JPH2: variants seen among roughly 807,000 people sequenced by gnomAD.
The protein encoded by JPH2 is junctophilin 2.
Under a neutral mutation model 55.9 loss-of-function variants are expected in JPH2, and 38 were observed. The ratio of observed to expected loss-of-function variants is 0.68; its 90% confidence interval spans 0.52 to 0.89. JPH2 has a LOEUF of 0.89. JPH2 is among the 40% of genes least tolerant of loss of function. JPH2 has a pLI of 0.00. For missense variants in JPH2, 964 were observed against 1,037.6 expected (o/e 0.93, Z 0.97); for synonymous variants, 480 against 472.4 (o/e 1.02, Z -0.21).
rs2072113286 is a variant in JPH2 at position 44,107,117 on chromosome 20, A to G, written c.*6401T>C. Among the ~76,000 whole-genome samples the G allele has an allele frequency of 6.6e-6, 1 of 152,196 alleles. No individual in the cohort carries two copies. Among genetic ancestry groups the G allele is most frequent in the Non-Finnish European group, 1.5e-5 (1 of 68,034 alleles). On this transcript the variant is annotated 3_prime_UTR_variant, in exon 6 of 6. Transcript: ENST00000372980. ...CTCAGTGTCTGCTCCTGCAGAATCC[A>G]ATCAGTGATGGCATCTTCCACATAC...
intron 2 of JPH2, among the ~76,000 whole-genome samples, chr20:44,134,857 T>C (rs2072393583): frequency 2.5e-5 from 1 of 40,404 alleles, no homozygotes; most frequent in South Asian, 7.5e-4. Flanking sequence ...ATTATAAATA[T>C]ATATATAAAT....
intron 1 of JPH2, among the ~76,000 whole-genome samples, chr20:44,183,671 A>G (rs986444101): frequency 6.6e-6 from 1 of 152,224 alleles, no homozygotes; most frequent in Non-Finnish European, 1.5e-5. Flanking sequence ...GACACTAGTG[A>G]CGAATATAAT....
In JPH2 at chr20:44,132,392, A is replaced by ACACACAC. The variant is rs1555855283; in HGVS notation, c.1170-13776_1170-13770dup. Among the ~76,000 whole-genome samples, 35 of 145,028 alleles carry ACACACAC rather than the reference A, an allele frequency of 2.4e-4. No individual in the cohort carries two copies. The East Asian group carries it at 6.1e-3, about 25-fold the overall frequency. ...CACACACACACACACACACACACACACACACACACATTTGGGCTGGTTATT... is the reference window on the plus strand; with the variant it reads ...CACACACACACACACACACACACACACACACACCACACACACATTTGGGCTGGTTATT... On this transcript the variant is annotated intron_variant, in intron 2 of 5. Coordinates refer to ENST00000372980, the MANE Select transcript of JPH2 (RefSeq NM_020433.5).
At chr20:44,163,700 AT>A (rs2072632387) in intron 1 of JPH2, among the ~76,000 whole-genome samples, 1 of 152,214 alleles carries the variant, frequency 6.6e-6, no homozygotes, top group African/African-American at 2.4e-5. Flanking sequence ...GCCAGAGTGT[AT>A]GCTGCGAGCC....
rs568246006 is a variant in JPH2 at position 44,110,984 on chromosome 20, C to T, written c.*2534G>A. 7.2e-5 allele frequency among the ~76,000 whole-genome samples: 11 copies of T among 152,164 alleles called. No individual in the cohort carries two copies. Among genetic ancestry groups the T allele is most frequent in the Admixed American group, 2.6e-4 (4 of 15,276 alleles). On this transcript the variant is annotated 3_prime_UTR_variant, in exon 6 of 6. Coordinates refer to ENST00000372980, the MANE Select transcript of JPH2 (RefSeq NM_020433.5). ...GAGGGACCTTCTTCTCCAACCCCCT[C>T]GCTGGGAACCACCGGCTGTGAGAGT...
intron 2 of JPH2, among the ~76,000 whole-genome samples, chr20:44,141,016 T>C (rs2072452746): frequency 1.3e-5 from 2 of 152,100 alleles, no homozygotes; most frequent in Non-Finnish European, 2.9e-5. Flanking sequence ...ATCTGAAAGA[T>C]GGAGAAGGAG....
chr20:44,134,672 A>T lies in JPH2; in HGVS notation c.1170-16049T>A, dbSNP rs1478465947. 6.0e-4 allele frequency among the ~76,000 whole-genome samples: 18 copies of T among 29,814 alleles called. 1 individual carries two copies. The highest frequency in any genetic ancestry group is 8.0e-4 in the Non-Finnish European group (15 of 18,844). The allele number at this position is 29,814 out of a possible 152,430, so 19.6% of individuals were successfully genotyped here. Reference sequence around the variant, plus strand: ...ATTTATTATAAATATATATAAATATATATTTATAAATATTATAAATATATA... The same window carrying T: ...ATTTATTATAAATATATATAAATATTTATTTATAAATATTATAAATATATA... On this transcript the variant is annotated intron_variant, in intron 2 of 5. Coordinates refer to ENST00000372980, the MANE Select transcript of JPH2 (RefSeq NM_020433.5).
chr20:44,109,011 A>G lies in JPH2; in HGVS notation c.*4507T>C, dbSNP rs772691837. ...CCCTGAACTCCTTCAGGAATTCTGA[A>G]TCATCACATCCACTAATATCCAATA... On this transcript the variant is annotated 3_prime_UTR_variant, in exon 6 of 6. Transcript: ENST00000372980. 2.0e-5 allele frequency among the ~76,000 whole-genome samples: 3 copies of G among 152,196 alleles called. No individual in the cohort carries two copies. Among genetic ancestry groups the G allele is most frequent in the East Asian group, 1.9e-4 (1 of 5,198 alleles).
chr20:44,115,495 C>T (rs2072181369), intron 4 of JPH2, among the ~76,000 whole-genome samples, 170 bp downstream of exon 4: 1 of 152,208 alleles, frequency 6.6e-6, no homozygotes. Context: ...GTGGACCAAG[C>T]CAAGGCTATG....
intron 2 of JPH2, among the ~76,000 whole-genome samples, chr20:44,136,876 T>C (rs11908688): frequency 0.041 from 6,303 of 152,230 alleles, 354 homozygotes; most frequent in African/African-American, 0.13. Flanking sequence ...ATGTGAAGGG[T>C]ATATTCATTC....
At chr20:44,178,581 G>C (rs547307296) in intron 1 of JPH2, among the ~76,000 whole-genome samples, 1 of 145,314 alleles carries the variant, frequency 6.9e-6, no homozygotes. Flanking sequence ...GAAATCAAGA[G>C]GCTGGTTTTC....
At position 44,108,183 on chromosome 20, in the gene JPH2, T is replaced by A. The variant is rs2072119220; in HGVS notation, c.*5335A>T. Among the ~76,000 whole-genome samples the A allele has an allele frequency of 6.6e-6, 1 of 152,218 alleles. No homozygotes were observed. Among genetic ancestry groups the A allele is most frequent in the African/African-American group, 2.4e-5 (1 of 41,444 alleles). Reference sequence around the variant, plus strand: ...AGCTTCCCTGGTTGGCCATACTTTGTCATACTGTTACTTATCAATGCTGGC... The same window carrying A: ...AGCTTCCCTGGTTGGCCATACTTTGACATACTGTTACTTATCAATGCTGGC... On this transcript the variant is annotated 3_prime_UTR_variant, in exon 6 of 6. Transcript: ENST00000372980.
Position 44,106,900 on chromosome 20 carries a change from A to T in JPH2, c.*6618T>A, listed in dbSNP as rs571606244. ...ACACAGCCAAACCATATCACCCAGT[A>T]ACAGAGCAAGGGAGGGGTATAAAAG... is the stretch of plus-strand genomic sequence containing the variant. On this transcript the variant is annotated 3_prime_UTR_variant, in exon 6 of 6. Coordinates refer to ENST00000372980, the MANE Select transcript of JPH2 (RefSeq NM_020433.5). Among the ~76,000 whole-genome samples, 16 of 152,250 alleles carry T rather than the reference A, an allele frequency of 1.1e-4. No individual in the cohort carries two copies. Among genetic ancestry groups the T allele is most frequent in the East Asian group, 5.8e-4 (3 of 5,166 alleles).
At chr20:44,165,915 C>G (rs1336519001) in intron 1 of JPH2, among the ~76,000 whole-genome samples, 1 of 152,180 alleles carries the variant, frequency 6.6e-6, no homozygotes, top group East Asian at 1.9e-4. Flanking sequence ...ATCTCCCTTC[C>G]TTGCTTTATT....
At chr20:44,127,054 C>T (rs561037046) in intron 2 of JPH2, among the ~76,000 whole-genome samples, 35 of 152,336 alleles carry the variant, frequency 2.3e-4, no homozygotes, top group African/African-American at 8.2e-4. Context: ...CATTCACTTC[C>T]AAAATTCTAT....
At position 44,170,600 on chromosome 20, in the gene JPH2, C is replaced by G. The variant is rs142241004; in HGVS notation, c.380-10193G>C. The stretch of plus-strand genomic sequence containing the variant: ...AGCACACATGCCCATGCCACAGACA[C>G]CACACAGATGCTCCTGATTATAAGG... On this transcript the variant is annotated intron_variant, in intron 1 of 5. Transcript: ENST00000372980. 5.1e-3 allele frequency among the ~76,000 whole-genome samples: 771 copies of G among 152,280 alleles called. 10 individuals are homozygous for G. The highest frequency in any genetic ancestry group is 0.018 in the African/African-American group (729 of 41,542).
intron 2 of JPH2, among the ~76,000 whole-genome samples, chr20:44,143,073 G>A (rs73908579): frequency 0.098 from 14,938 of 152,162 alleles, 906 homozygotes; most frequent in East Asian, 0.21. Flanking sequence ...GCAGGTGTTC[G>A]TGAGAGAGTA....
chr20:44,177,002 C>G lies in JPH2; in HGVS notation c.379+9325G>C, dbSNP rs920973585. On this transcript the variant is annotated intron_variant, in intron 1 of 5. Transcript: ENST00000372980. The stretch of plus-strand genomic sequence containing the variant: ...GACCTCCAGGCACAAGGTGCTCATT[C>G]CTGGCCTGGAGCAGGGGTCACTCTG... 6.1e-6 allele frequency: 6 copies of G among 985,344 alleles called. 1 individual carries two copies. The African/African-American group carries it at 1.0e-4, about 17-fold the overall frequency. The allele number at this position is 985,344 out of a possible 1,614,324, so 61.0% of individuals were successfully genotyped here.
intron 2 of JPH2, among the ~76,000 whole-genome samples, chr20:44,141,722 T>C (rs1346278487): frequency 6.6e-6 from 1 of 152,094 alleles, no homozygotes; most frequent in Non-Finnish European, 1.5e-5. Context: ...TTGCCCAGGC[T>C]GGTCTCGAAC....
Sources: allele counts gnomAD v4.1 joint callset (sites outside exome capture counted in the v4.1 genomes callset), GRCh38; gene constraint gnomAD v4.1.1; transcripts MANE v1.5; gene names NCBI Gene and HGNC (gene_info 2026-07-23, HGNC 2026-07-21).